Variants in HIBCH observed in about 807,000 individuals in gnomAD.
HIBCH encodes the protein 3-hydroxyisobutyryl-CoA hydrolase, mitochondrial.
Under a neutral mutation model 58.2 loss-of-function variants are expected in HIBCH, and 50 were observed. That is an observed-to-expected ratio of 0.86 (90% CI 0.68 to 1.09). The LOEUF is 1.09. Ranked by LOEUF, HIBCH falls within the 50% of genes least tolerant of loss-of-function variation. HIBCH has a pLI of 0.00. For synonymous variants in HIBCH, 151 were observed against 146.9 expected, an observed-to-expected ratio of 1.03 and a Z score of -0.20; for missense variants, 450 against 449.7, an observed-to-expected ratio of 1.00 and a Z score of -0.01.
At chr2:190,271,424 G>A (rs1321456049) in intron 6 of HIBCH, among the ~76,000 whole-genome samples, 1 of 151,546 alleles carries the variant, frequency 6.6e-6, no homozygotes, top group African/African-American at 2.4e-5. Flanking sequence ...CAGGTAGCTG[G>A]GATTACAGGT....
In HIBCH at chr2:190,294,022, G is replaced by GTGTATATATATATA. The variant is rs755751586; in HGVS notation, c.304+523_304+524insTATATATATATACA. On this transcript the variant is annotated intron_variant, in intron 4 of 13. Transcript: ENST00000359678. ...ATATTTTGTAATATATATTTTGTGT[G>GTGTATATATATATA]TATATATATATATATATATATATAT... is the stretch of plus-strand genomic sequence containing the variant. 4.9e-3 allele frequency among the ~76,000 whole-genome samples: 403 copies of GTGTATATATATATA among 82,872 alleles called. 4 individuals carry two copies. Among genetic ancestry groups the GTGTATATATATATA allele is most frequent in the Non-Finnish European group, 8.0e-3 (303 of 38,072 alleles). The allele number at this position is 82,872 out of a possible 152,430, so 54.4% of individuals were successfully genotyped here.
chr2:190,317,586 T>C (rs1688736148), intron 1 of HIBCH, among the ~76,000 whole-genome samples: 1 of 152,184 alleles, frequency 6.6e-6, no homozygotes, highest in African/African-American at 2.4e-5. Context: ...TGGCAGGCAC[T>C]GAAGTAAAAC....
At chr2:190,271,808 G>C (rs929182075) in intron 6 of HIBCH, among the ~76,000 whole-genome samples, 1 of 152,150 alleles carries the variant, frequency 6.6e-6, no homozygotes, top group African/African-American at 2.4e-5. Context: ...TCCTATAAGA[G>C]AGCTGATCTG....
intron 7 of HIBCH, among the ~76,000 whole-genome samples, chr2:190,255,908 G>A (rs1413916959): frequency 2.0e-5 from 3 of 152,140 alleles, no homozygotes; most frequent in Admixed American, 6.6e-5. Context: ...CCGAGACTGA[G>A]TAATTTATAA....
chr2:190,282,884 C>T (rs527402838), intron 6 of HIBCH, among the ~76,000 whole-genome samples: 55 of 149,520 alleles, frequency 3.7e-4, no homozygotes, highest in South Asian at 8.4e-4. Flanking sequence ...TTGCCCTTTC[C>T]AGACCATCTA....
At position 190,279,917 on chromosome 2, in the gene HIBCH, G is replaced by A. The variant is rs112857039; in HGVS notation, c.438+7669C>T. On this transcript the variant is annotated intron_variant, in intron 6 of 13. Transcript: ENST00000359678. The surrounding 1 kb of genome is among the most constrained non-coding windows in gnomAD (Gnocchi z 4.2). ...GGACAAATACAGAATGTGAGGTCCCGTTCCAGCCAATGGAAACCGGACACA... is the reference window on the plus strand; with the variant it reads ...GGACAAATACAGAATGTGAGGTCCCATTCCAGCCAATGGAAACCGGACACA... The A allele has an allele frequency of 0.042, 6,664 of 159,118 alleles. 185 individuals carry two copies. Among genetic ancestry groups the A allele is most frequent in the Non-Finnish European group, 0.062 (4,564 of 73,608 alleles). The allele number at this position is 159,118 out of a possible 1,614,324, so 9.9% of individuals were successfully genotyped here. A position where few individuals can be genotyped will look rare whatever the true frequency, so the allele number is the denominator to read the frequency against.
chr2:190,192,490 GTATC>G (rs927748473), intron 1 of HIBCH, among the ~76,000 whole-genome samples: 1 of 144,302 alleles, frequency 6.9e-6, no homozygotes, highest in Non-Finnish European at 1.5e-5. Flanking sequence ...GTGTGTGTGT[GTATC>G]TATATATCTA....
intron 9 of HIBCH, among the ~76,000 whole-genome samples, chr2:190,249,071 T>C (rs1277357682): frequency 6.6e-6 from 1 of 152,138 alleles, no homozygotes; most frequent in African/African-American, 2.4e-5. Flanking sequence ...TAACATCTCA[T>C]GTCTGCCACT....
In HIBCH at chr2:190,269,519, T is replaced by C. The variant is rs182671300; in HGVS notation, c.439-8285A>G. 6.5e-3 allele frequency among the ~76,000 whole-genome samples: 992 copies of C among 152,226 alleles called. 9 individuals carry two copies. The highest frequency in any genetic ancestry group is 0.023 in the African/African-American group (943 of 41,536). On this transcript the variant is annotated intron_variant, in intron 6 of 13. Transcript: ENST00000359678. The stretch of plus-strand genomic sequence containing the variant: ...AGAGAAATACAAATCAAAACCACAA[T>C]GAGATACCATCTCACACCAGTTAGA...
downstream of HIBCH, chr2:190,200,353 A>G (rs1422083841): frequency 1.8e-6 from 1 of 545,644 alleles, no homozygotes; most frequent in Admixed American, 3.2e-5. Context: ...CTTAGATTTT[A>G]GTCATCTGAA....
chr2:190,273,582 C>T lies in HIBCH; in HGVS notation c.439-12348G>A, dbSNP rs560086506. Among the ~76,000 whole-genome samples the T allele has an allele frequency of 6.6e-5, 10 of 152,216 alleles. No homozygotes were observed. The South Asian group carries it at 2.1e-3, about 32-fold the overall frequency. On this transcript the variant is annotated intron_variant, in intron 6 of 13. Transcript: ENST00000359678. ...ATAGATAAAAACGAATGTATATAAA[C>T]ATACACCCTATACACTTAGAAATCC...
In HIBCH at chr2:190,296,946, G is replaced by C; in HGVS notation, c.86C>G (p.Ser29Cys). The C allele has an allele frequency of 6.2e-7, 1 of 1,613,968 alleles. No individual in the cohort carries two copies. The highest frequency in any genetic ancestry group is 8.5e-7 in the Non-Finnish European group (1 of 1,179,986). ...CTCTTCTGCTGCATCTGTGTGCTTG[G>C]ACATTCTCTGTATAAACAAAGAATA... is the stretch of plus-strand genomic sequence containing the variant. ...TNTILHHLRM[S>C]KHTDAAEEVL... The change falls in exon 3 of 14, where the codon TCC becomes TGC. Residue 29 changes from serine (S) to cysteine (C), a missense_variant. Ser to Cys is a moderately radical substitution (Grantham distance 112). Coordinates refer to ENST00000359678, the MANE Select transcript of HIBCH (RefSeq NM_014362.4).
rs1688054504 is a variant in HIBCH, at chr2:190,294,542, T to G, written c.304+4A>C. On this transcript the variant is annotated splice_donor_region_variant and intron_variant, in intron 4 of 13. Transcript: ENST00000359678. ...GCACTCAGGTGAAAGGGAAAAGTCT[T>G]TACCTCTGATATCACCCCCGGCACA... The G allele has an allele frequency of 6.2e-7, 1 of 1,604,984 alleles. No individual in the cohort carries two copies. The highest frequency in any genetic ancestry group is 8.5e-7 in the Non-Finnish European group (1 of 1,172,662).
chr2:190,195,037 A>T (rs1575678091), intron 1 of HIBCH, among the ~76,000 whole-genome samples: 1 of 151,708 alleles, frequency 6.6e-6, no homozygotes, highest in Non-Finnish European at 1.5e-5. Flanking sequence ...TTCATATTTA[A>T]TTTTTTTGTA....
intron 4 of HIBCH, 53 bp downstream of exon 4, chr2:190,294,493 G>C: frequency 8.9e-7 from 1 of 1,119,482 alleles, no homozygotes; most frequent in Non-Finnish European, 1.4e-6. Context: ...GACAATACTT[G>C]ATCAGTTCTA....
At chr2:190,293,461 A>T (rs201971186) in intron 4 of HIBCH, among the ~76,000 whole-genome samples, 3,929 of 65,148 alleles carry the variant, frequency 0.06, 92 homozygotes, top group East Asian at 0.23. Context: ...CTCAAAAAAA[A>T]AAATAAATAA....
intron 13 of HIBCH, 63 bp downstream of exon 13, chr2:190,208,813 TTTAA>T: frequency 7.2e-7 from 1 of 1,387,930 alleles, no homozygotes; most frequent in Non-Finnish European, 1.0e-6. Context: ...CTGTATCTTC[TTTAA>T]TTAACAGCAT....
intron 11 of HIBCH, among the ~76,000 whole-genome samples, chr2:190,218,824 T>G (rs1685637148): frequency 6.6e-6 from 1 of 152,208 alleles, no homozygotes; most frequent in Non-Finnish European, 1.5e-5. Flanking sequence ...CTTTCCCACC[T>G]TGCAAAGGTC....
intron 5 of HIBCH, 83 bp downstream of exon 5, chr2:190,290,322 A>G (rs1687927819): frequency 1.1e-6 from 1 of 935,916 alleles, no homozygotes; most frequent in Admixed American, 1.8e-5. Flanking sequence ...AAGGATGCCT[A>G]TTGATTGCAT....
Sources: gnomAD v4.1 joint callset for allele counts (sites outside exome capture counted in the v4.1 genomes callset) on GRCh38, gnomAD v4.1.1 for gene constraint, Gnocchi (gnomAD v3.1) non-coding constraint, MANE v1.5 for transcripts, NCBI Gene and HGNC (gene_info 2026-07-23, HGNC 2026-07-21) for gene names.